THOC5: variants seen among roughly 807,000 people sequenced by gnomAD.
THOC5 encodes the protein THO complex subunit 5, also known as Fms-interacting protein.
In THOC5, 43 loss-of-function variants were observed where a neutral mutation model predicts 92.9. The ratio of observed to expected loss-of-function variants is 0.46; its 90% CI spans 0.36 to 0.60. THOC5 has a LOEUF of 0.60. Among genes scored for constraint, THOC5 ranks in the 20% least tolerant of loss-of-function variants. The pLI is 0.00. For synonymous variants in THOC5, 296 were observed against 320.1 expected, an observed-to-expected ratio of 0.92 and a Z score of 0.80; for missense variants, 659 against 849.4, an observed-to-expected ratio of 0.78 and a Z score of 2.79.
intron 15 of THOC5, among the ~76,000 whole-genome samples, chr22:29,517,981 C>T (rs2063365612): frequency 6.6e-6 from 1 of 152,170 alleles, no homozygotes; most frequent in South Asian, 2.1e-4. Context: ...GGGGAGTGGT[C>T]TCCAGATGTG....
chr22:29,521,444 A>C (rs927299855), intron 12 of THOC5, among the ~76,000 whole-genome samples: 1 of 152,172 alleles, frequency 6.6e-6, no homozygotes, highest in Admixed American at 6.5e-5. Flanking sequence ...TCATCCCTTC[A>C]AGATTTATAT....
intron 12 of THOC5, among the ~76,000 whole-genome samples, chr22:29,523,284 A>C (rs1351274242): frequency 6.6e-6 from 1 of 152,042 alleles, no homozygotes; most frequent in Non-Finnish European, 1.5e-5. Flanking sequence ...TAAAAACATT[A>C]ACTCTGTCAG....
At chr22:29,510,166 T>C (rs2063196959) in intron 19 of THOC5, among the ~76,000 whole-genome samples, 1 of 151,870 alleles carries the variant, frequency 6.6e-6, no homozygotes, top group Non-Finnish European at 1.5e-5. Flanking sequence ...GGAAGTGCCA[T>C]GAGCCCAGAC....
At chr22:29,530,775 G>A (rs2063638230) in intron 8 of THOC5, among the ~76,000 whole-genome samples, 1 of 152,042 alleles carries the variant, frequency 6.6e-6, no homozygotes, top group Non-Finnish European at 1.5e-5. Context: ...CTAGCGTTGT[G>A]AGGTCAGACA....
At chr22:29,548,978 C>T in intron 2 of THOC5, 74 bp downstream of exon 2, 3 of 1,481,412 alleles carry the variant, frequency 2.0e-6, no homozygotes, top group Non-Finnish European at 2.8e-6. Flanking sequence ...CCCCGAGCTG[C>T]TGCAAACACA....
chr22:29,536,626 G>C lies in THOC5; in HGVS notation c.712C>G (p.Gln238Glu). Residue 238 changes from glutamine (Q) to glutamate (E), a missense_variant and splice_region_variant, in exon 7 of 20, where the codon CAG becomes GAG. Gln to Glu is a conservative substitution (Grantham distance 29, BLOSUM62 2). Coordinates refer to ENST00000490103, the MANE Select transcript of THOC5 (RefSeq NM_003678.5). ...AGCAAAAGGCCAGAGGGCCCCACCT[G>C]CATGATGCTGTTGAGGCGGGGCTGG... is the stretch of plus-strand genomic sequence containing the variant. The part of the protein sequence containing the change: ...SLQPRLNSIM[Q>E]ASLPVQEYLF... 6.3e-7 allele frequency: 1 copy of C among 1,595,152 alleles called. No homozygotes were observed. Among genetic ancestry groups the C allele is most frequent in the Non-Finnish European group, 8.6e-7 (1 of 1,162,650 alleles).
At chr22:29,511,692 T>C (rs546892822) in intron 18 of THOC5, among the ~76,000 whole-genome samples, 188 of 152,398 alleles carry the variant, frequency 1.2e-3, no homozygotes, top group African/African-American at 4.4e-3. Context: ...ACTGCAGTGA[T>C]GTCATTCCTC....
chr22:29,550,028 CT>C (rs1340227848), intron 1 of THOC5, among the ~76,000 whole-genome samples: 1 of 152,120 alleles, frequency 6.6e-6, no homozygotes, highest in Non-Finnish European at 1.5e-5. Flanking sequence ...CCTCTTCCCC[CT>C]GAGCCTGGCA....
chr22:29,549,227 G>A (rs1456068020), intron 1 of THOC5, 69 bp from the exon 2 acceptor site: 1 of 1,382,484 alleles, frequency 7.2e-7, no homozygotes, highest in East Asian at 2.3e-5. Flanking sequence ...AGCAGTTCTG[G>A]CCACTTACAG....
intron 3 of THOC5, 97 bp from the exon 4 acceptor site, chr22:29,543,639 A>C: frequency 2.7e-6 from 2 of 749,112 alleles, no homozygotes; most frequent in Non-Finnish European, 4.4e-6. Context: ...GGGGCCAAAA[A>C]CGGCACCGGA....
At chr22:29,546,404 A>T (rs1369705244) in intron 2 of THOC5, among the ~76,000 whole-genome samples, 1 of 77,004 alleles carries the variant, frequency 1.3e-5, no homozygotes, top group Non-Finnish European at 2.5e-5. Flanking sequence ...TCCGCAAAAA[A>T]TGGGTTTTTC....
intron 1 of THOC5, among the ~76,000 whole-genome samples, chr22:29,552,519 G>A (rs865884652): frequency 6.6e-6 from 1 of 150,638 alleles, no homozygotes; most frequent in Admixed American, 6.6e-5. Flanking sequence ...CAGCCGCCCC[G>A]TCCGGGAGGT....
intron 6 of THOC5, among the ~76,000 whole-genome samples, 199 bp downstream of exon 6, chr22:29,539,131 A>C (rs1182958873): frequency 6.7e-6 from 1 of 150,006 alleles, no homozygotes; most frequent in Non-Finnish European, 1.5e-5. Flanking sequence ...AAAAAAAAAA[A>C]CCCTTAAGCA....
chr22:29,515,706 T>C (rs1009292757), intron 17 of THOC5, among the ~76,000 whole-genome samples: 11 of 150,618 alleles, frequency 7.3e-5, no homozygotes, highest in African/African-American at 2.4e-4. Flanking sequence ...TGGTGCACAT[T>C]TGTAGCCCCA....
intron 19 of THOC5, among the ~76,000 whole-genome samples, chr22:29,510,870 C>CTAGA (rs1291507991): frequency 6.6e-6 from 1 of 152,176 alleles, no homozygotes; most frequent in Non-Finnish European, 1.5e-5. Context: ...AGCAAACAAA[C>CTAGA]TCTATTGTTT....
At chr22:29,512,248 A>C in intron 17 of THOC5, 112 bp from the exon 18 acceptor site, 3 of 762,516 alleles carry the variant, frequency 3.9e-6, no homozygotes, top group Non-Finnish European at 4.5e-6. Context: ...TATTAATCTG[A>C]ATGCTGCAGA....
intron 19 of THOC5, among the ~76,000 whole-genome samples, chr22:29,509,275 CAA>C (rs59981269): frequency 2.1e-4 from 15 of 70,898 alleles, no homozygotes; most frequent in Non-Finnish European, 1.7e-4. Flanking sequence ...GACTCTGTCT[CAA>C]AAAAAAAAAA....
chr22:29,542,771 A>T, intron 5 of THOC5, 88 bp downstream of exon 5: 2 of 916,780 alleles, frequency 2.2e-6, no homozygotes, highest in Non-Finnish European at 3.3e-6. Flanking sequence ...CTCAAAAAAA[A>T]AAAAGAAACA....
rs757767040 is a variant in THOC5, at chr22:29,508,406, GC to G, written c.*50del. On this transcript the variant is annotated 3_prime_UTR_variant, in exon 20 of 20. Coordinates refer to ENST00000490103, the MANE Select transcript of THOC5 (RefSeq NM_003678.5). ...ATGTGGGCCAGAGCAGAAAGCAGAA[GC>G]CCAGTGCTCAGGGTGAGGCCTTGGG... The G allele has an allele frequency of 4.5e-6, 7 of 1,562,428 alleles. No individual in the cohort carries two copies. The South Asian group carries it at 7.8e-5, about 17-fold the overall frequency.
Sources: allele counts gnomAD v4.1 joint callset (sites outside exome capture counted in the v4.1 genomes callset), GRCh38; gene constraint gnomAD v4.1.1; transcripts MANE v1.5; gene names NCBI Gene and HGNC (gene_info 2026-07-23, HGNC 2026-07-21).